The following IGSF11 variants were observed in gnomAD, a reference collection of about 807,000 sequenced individuals.
IGSF11 encodes immunoglobulin superfamily member 11.
In IGSF11, 22 loss-of-function variants were observed where a neutral mutation model predicts 41.0. The observed-to-expected ratio is 0.54, with a 90% CI of 0.38 to 0.77. The LOEUF (loss-of-function observed/expected upper bound fraction) is 0.77. Ranked by LOEUF, IGSF11 falls within the 30% of genes least tolerant of loss-of-function variation. The pLI is 0.00. For missense variants in IGSF11, 444 were observed against 530.8 expected (o/e 0.84, Z 1.61); for synonymous variants, 219 against 201.3 (o/e 1.09, Z -0.74).
chr3:119,091,547 C>T (rs1192735041), intron 1 of IGSF11, among the ~76,000 whole-genome samples: 1 of 152,138 alleles, frequency 6.6e-6, no homozygotes. Context: ...AAATAATATC[C>T]TTTGCAGCAA....
intron 1 of IGSF11, among the ~76,000 whole-genome samples, chr3:119,100,670 G>A (rs1257593761): frequency 1.3e-5 from 2 of 152,148 alleles, no homozygotes; most frequent in African/African-American, 2.4e-5. Context: ...CACATAATCT[G>A]TGTCTTAGGC....
Position 118,921,579 on chromosome 3 carries a change from C to T in IGSF11, c.580+4522G>A, listed in dbSNP as rs573723421. On this transcript the variant is annotated intron_variant, in intron 4 of 6. Coordinates refer to ENST00000393775, the MANE Select transcript of IGSF11 (RefSeq NM_001015887.3). Reference sequence around the variant, plus strand: ...CATGCTTATTCATTCAGTCTTCATCCAACCATAAGTTAGTCACGATGATTG... The same window carrying T: ...CATGCTTATTCATTCAGTCTTCATCTAACCATAAGTTAGTCACGATGATTG... Among the ~76,000 whole-genome samples, 76 of 152,138 alleles carry T rather than the reference C, an allele frequency of 5.0e-4. 1 individual carries two copies. Among genetic ancestry groups the T allele is most frequent in the African/African-American group, 1.7e-3 (70 of 41,504 alleles).
At chr3:118,928,761 C>A in intron 2 of IGSF11, 45 bp from the exon 3 acceptor site, 1 of 1,392,494 alleles carries the variant, frequency 7.2e-7, no homozygotes, top group Non-Finnish European at 1.0e-6. Context: ...TCTATCCTCT[C>A]CTAGACACAA....
intron 4 of IGSF11, among the ~76,000 whole-genome samples, chr3:118,921,263 CAATGTA>C (rs1941757788): frequency 6.6e-6 from 1 of 152,132 alleles, no homozygotes; most frequent in African/African-American, 2.4e-5. Flanking sequence ...TCCTGTTCAG[CAATGTA>C]TCTTCAGCAC....
rs191409585 is a variant in IGSF11, at chr3:119,020,102, C to T, written c.52+14429G>A. On this transcript the variant is annotated intron_variant, in intron 1 of 6. Coordinates refer to ENST00000393775, the MANE Select transcript of IGSF11 (RefSeq NM_001015887.3). ...AAATCTGCAGGCTTAGACTCCCCAG[C>T]CTCTAAAACTGTGAGAAATAAATTT... is the stretch of plus-strand genomic sequence containing the variant. 3.3e-5 allele frequency among the ~76,000 whole-genome samples: 5 copies of T among 152,284 alleles called. No individual in the cohort carries two copies. In the East Asian group the frequency reaches 9.7e-4, roughly 29 times the overall value.
chr3:119,064,767 A>T (rs939952112), intron 1 of IGSF11, among the ~76,000 whole-genome samples: 1 of 152,044 alleles, frequency 6.6e-6, no homozygotes, highest in African/African-American at 2.4e-5. Context: ...CGTATGTGAC[A>T]TTCTTTGATG....
At chr3:119,084,858 G>A (rs776931281) in intron 1 of IGSF11, among the ~76,000 whole-genome samples, 50 of 152,334 alleles carry the variant, frequency 3.3e-4, no homozygotes, top group Non-Finnish European at 5.6e-4. Context: ...GTTGTGGCCA[G>A]TGGCTCCAGA....
intron 1 of IGSF11, among the ~76,000 whole-genome samples, chr3:119,047,546 T>G (rs1453117553): frequency 6.6e-6 from 1 of 152,158 alleles, no homozygotes; most frequent in East Asian, 1.9e-4. Context: ...ACATTAATAA[T>G]GGGAGAATTT....
chr3:119,143,544 G>A (rs1386293656), intron 1 of IGSF11, among the ~76,000 whole-genome samples: 1 of 152,126 alleles, frequency 6.6e-6, no homozygotes, highest in Non-Finnish European at 1.5e-5. Flanking sequence ...ACAAAGGATG[G>A]TAGTAATGGA....
chr3:119,087,235 A>G (rs2076690150), intron 1 of IGSF11, among the ~76,000 whole-genome samples: 1 of 152,228 alleles, frequency 6.6e-6, no homozygotes. Context: ...GTAGGTATCT[A>G]CCCAGAGGAA....
chr3:119,043,599 A>G (rs1335509248), intron 1 of IGSF11, among the ~76,000 whole-genome samples: 1 of 152,180 alleles, frequency 6.6e-6, no homozygotes, highest in Non-Finnish European at 1.5e-5. Context: ...TAGCATAACA[A>G]CCATTCAAAA....
intron 1 of IGSF11, among the ~76,000 whole-genome samples, chr3:119,118,347 C>T (rs957467145): frequency 6.6e-6 from 1 of 152,224 alleles, no homozygotes; most frequent in Non-Finnish European, 1.5e-5. Context: ...TGTGCACTAA[C>T]GGGGTCAACA....
At chr3:118,956,657 T>C (rs1441628570) in intron 1 of IGSF11, among the ~76,000 whole-genome samples, 1 of 152,138 alleles carries the variant, frequency 6.6e-6, no homozygotes, top group African/African-American at 2.4e-5. Flanking sequence ...CCCGAAACAA[T>C]TACAACAGTA....
intron 1 of IGSF11, among the ~76,000 whole-genome samples, chr3:118,936,497 A>G (rs1468802057): frequency 1.4e-5 from 2 of 147,006 alleles, no homozygotes; most frequent in Non-Finnish European, 3.0e-5. Context: ...ACAAAGTGAG[A>G]TTTCATCTCA....
Position 119,068,929 on chromosome 3 carries a change from T to C in IGSF11, c.49+36215A>G, listed in dbSNP as rs200240075. Among the ~76,000 whole-genome samples the C allele has an allele frequency of 7.8e-3, 245 of 31,416 alleles. 1 individual carries two copies. Among genetic ancestry groups the C allele is most frequent in the African/African-American group, 0.013 (48 of 3,808 alleles). 20.6% of individuals were successfully genotyped at this position (31,416 alleles called of 152,430 possible). On this transcript the variant is annotated intron_variant, in intron 1 of 6. Transcript: ENST00000354673. ...AATGGTTATTTTCTTTTTTTTTTCT[T>C]TTTTTTTTTTTTTTTGAGATGGAGT...
intron 1 of IGSF11, among the ~76,000 whole-genome samples, chr3:119,002,338 ATTTG>A (rs1936987873): frequency 6.6e-6 from 1 of 150,720 alleles, no homozygotes; most frequent in South Asian, 2.1e-4. Flanking sequence ...TTTCTTGTAA[ATTTG>A]TTTGAGTTCT....
At chr3:119,109,841 T>A (rs1408776468), upstream of IGSF11, among the ~76,000 whole-genome samples, 1 of 152,240 alleles carries the variant, frequency 6.6e-6, no homozygotes, top group Admixed American at 6.5e-5. Flanking sequence ...CTTCCCTTCG[T>A]TATGTACCCA....
Position 118,982,620 on chromosome 3 carries a change from G to A in IGSF11, c.52+51911C>T, listed in dbSNP as rs936239191. 3.3e-5 allele frequency among the ~76,000 whole-genome samples: 5 copies of A among 152,082 alleles called. 1 individual carries two copies. Among genetic ancestry groups the A allele is most frequent in the East Asian group, 1.9e-4 (1 of 5,172 alleles). ...ACCCATTTCAAATAGAAAAATTAAT[G>A]TTCCTTTTTTAACCTTGTTTCTGTT... On this transcript the variant is annotated intron_variant, in intron 1 of 6. Coordinates refer to ENST00000393775, the MANE Select transcript of IGSF11 (RefSeq NM_001015887.3).
chr3:119,038,648 C>A (rs1299446995), upstream of IGSF11, among the ~76,000 whole-genome samples: 2 of 152,048 alleles, frequency 1.3e-5, no homozygotes, highest in African/African-American at 2.4e-5. Flanking sequence ...GCATAAGTAG[C>A]ATTTTGTATG....
Sources: allele counts gnomAD v4.1 joint callset (sites outside exome capture counted in the v4.1 genomes callset), GRCh38; gene constraint gnomAD v4.1.1; transcripts MANE v1.5; gene names NCBI Gene and HGNC (gene_info 2026-07-23, HGNC 2026-07-21).